Variants in GPHB5 observed in about 807,000 individuals in gnomAD.
GPHB5 encodes glycoprotein hormone subunit beta 5, also known as glycoprotein hormone beta-5.
GPHB5 carries 7 observed loss-of-function variants against 10.1 expected under a neutral mutation model. The ratio of observed to expected loss-of-function variants is 0.69; its 90% CI spans 0.39 to 1.30. The LOEUF is 1.30. GPHB5 is among the 50% of genes most tolerant of loss of function. The probability of loss-of-function intolerance (pLI) is 0.01; values close to 1 mark genes in which losing one functional copy is unlikely to be tolerated. For missense variants in GPHB5, 161 were observed against 169.8 expected (o/e 0.95, Z 0.29); for synonymous variants, 68 against 70.1 (o/e 0.97, Z 0.15).
intron 2 of GPHB5, among the ~76,000 whole-genome samples, chr14:63,316,909 A>T (rs1190580220): frequency 2.0e-5 from 3 of 152,230 alleles, no homozygotes; most frequent in Non-Finnish European, 4.4e-5. Flanking sequence ...AAGAGCCCAC[A>T]GTCACTACGT....
chr14:63,318,545 A>G (rs887731159), intron 1 of GPHB5, among the ~76,000 whole-genome samples: 48 of 152,208 alleles, frequency 3.2e-4, no homozygotes, highest in African/African-American at 1.1e-3. Flanking sequence ...AAAGCATAGG[A>G]GTTATTTAAA....
Position 63,317,828 on chromosome 14 carries a change from G to A in GPHB5, c.22C>T (p.Leu8Phe). 1 of 1,614,066 alleles carries A rather than the reference G, an allele frequency of 6.2e-7. No homozygotes were observed. Among genetic ancestry groups the A allele is most frequent in the Non-Finnish European group, 8.5e-7 (1 of 1,179,902 alleles). ...AGAAGGAGGAGGGCCATGGGGCCAA[G>A]GAAGAGGAATGCCAGCTTCATGCTG... Reference protein sequence around the residue: MKLAFLFLGPMALLLLAG... With the variant: MKLAFLFFGPMALLLLAG... The change falls in exon 2 of 3, where the codon CTT becomes TTT. Residue 8 changes from leucine (L) to phenylalanine (F), a missense_variant. Coordinates refer to ENST00000621500, the MANE Select transcript of GPHB5 (RefSeq NM_145171.4).
Position 63,317,773 on chromosome 14 carries a change from G to A in GPHB5, c.77C>T (p.Ser26Phe). The A allele has an allele frequency of 6.2e-7, 1 of 1,614,048 alleles. No homozygotes were observed. The highest frequency in any genetic ancestry group is 8.5e-7 in the Non-Finnish European group (1 of 1,179,884). Residue 26 changes from serine (S) to phenylalanine (F), a missense_variant, in exon 2 of 3, where the codon TCC becomes TTC. Coordinates refer to ENST00000621500, the MANE Select transcript of GPHB5 (RefSeq NM_145171.4). ...LAGYGCVLGASSGNLRTFVGC... is the reference protein window; with the variant it reads ...LAGYGCVLGAFSGNLRTFVGC... ...CACAAAGGTGCGCAGGTTCCCACTGGAGGCACCGAGGACACAGCCATAGCC... is the reference window on the plus strand; with the variant it reads ...CACAAAGGTGCGCAGGTTCCCACTGAAGGCACCGAGGACACAGCCATAGCC...
intron 2 of GPHB5, among the ~76,000 whole-genome samples, chr14:63,313,905 C>T (rs751112505): frequency 2.5e-4 from 38 of 152,182 alleles, no homozygotes; most frequent in Non-Finnish European, 4.4e-4. Context: ...TACCACACGA[C>T]GTAGTCTACC....
intron 2 of GPHB5, among the ~76,000 whole-genome samples, chr14:63,314,303 A>C (rs951794417): frequency 7.2e-6 from 1 of 138,196 alleles, no homozygotes; most frequent in African/African-American, 2.9e-5. Flanking sequence ...CTTCCTGAAG[A>C]CTCAAGTTTC....
chr14:63,314,390 G>A (rs1882731049), intron 2 of GPHB5, among the ~76,000 whole-genome samples: 1 of 151,514 alleles, frequency 6.6e-6, no homozygotes, highest in African/African-American at 2.4e-5. Context: ...AATGCACAAT[G>A]TCTAGAACAA....
At chr14:63,315,304 A>G (rs1342972330) in intron 2 of GPHB5, among the ~76,000 whole-genome samples, 3 of 152,156 alleles carry the variant, frequency 2.0e-5, no homozygotes, top group Non-Finnish European at 2.9e-5. Flanking sequence ...TCCTCTTACC[A>G]TTAGTACTCT....
intron 2 of GPHB5, among the ~76,000 whole-genome samples, chr14:63,314,905 C>CTTTT (rs71120257): frequency 2.7e-5 from 2 of 75,348 alleles, no homozygotes; most frequent in Non-Finnish European, 5.4e-5. Flanking sequence ...TTTCTTTTTT[C>CTTTT]TTTTTTTTTT....
In GPHB5 at chr14:63,313,024, A is replaced by C; in HGVS notation, c.297T>G (p.Cys99Trp). Residue 99 changes from cysteine (C) to tryptophan (W), a missense_variant, in exon 3 of 3, where the codon TGT becomes TGG. Cys to Trp is a radical substitution (Grantham distance 215). Transcript: ENST00000621500. ...TGTAGAAGGGGTCGACTCCCGGGGC[A>C]CAGTTGGGCAGCTTGACAGTCACCT... Reference protein sequence around the residue: ...TKQVTVKLPNCAPGVDPFYTY... With the variant: ...TKQVTVKLPNWAPGVDPFYTY... The C allele has an allele frequency of 6.3e-7, 1 of 1,598,714 alleles. No homozygotes were observed. Among genetic ancestry groups the C allele is most frequent in the Non-Finnish European group, 8.5e-7 (1 of 1,172,398 alleles).
intron 2 of GPHB5, among the ~76,000 whole-genome samples, chr14:63,313,439 C>CAATA (rs1882709108): frequency 6.6e-6 from 1 of 152,146 alleles, no homozygotes; most frequent in Non-Finnish European, 1.5e-5. Context: ...TGCAACACAG[C>CAATA]GGCCCTGAGT....
At chr14:63,313,641 C>A (rs137904236) in intron 2 of GPHB5, among the ~76,000 whole-genome samples, 4 of 152,282 alleles carry the variant, frequency 2.6e-5, no homozygotes, top group African/African-American at 4.8e-5. Context: ...AGGCTCACGG[C>A]GGTCTCCTTA....
At chr14:63,314,167 A>G (rs538383431) in intron 2 of GPHB5, among the ~76,000 whole-genome samples, 100 of 152,222 alleles carry the variant, frequency 6.6e-4, no homozygotes, top group Non-Finnish European at 1.2e-3. Flanking sequence ...TTTGATAAAC[A>G]GAACACACAG....
intron 1 of GPHB5, 83 bp from the exon 2 acceptor site, chr14:63,317,933 T>C (rs1882802382): frequency 8.0e-7 from 1 of 1,252,066 alleles, no homozygotes; most frequent in African/African-American, 1.5e-5. Context: ...TTTGTCACTA[T>C]CAAAGGGACC....
In GPHB5 at chr14:63,312,845, C is replaced by G. The variant is rs200776810; in HGVS notation, c.*83G>C. 4.6e-6 allele frequency: 6 copies of G among 1,315,708 alleles called. No homozygotes were observed. The highest frequency in any genetic ancestry group is 6.1e-6 in the Non-Finnish European group (6 of 983,122). The allele number at this position is 1,315,708 out of a possible 1,614,324, so 81.5% of individuals were successfully genotyped here. On this transcript the variant is annotated 3_prime_UTR_variant, in exon 3 of 3. Transcript: ENST00000621500. ...AGGTAACCTCCTCCATGGGTGTGGT[C>G]GAAATTAAACAGTCTTGCATCCAGG...
Position 63,317,764 on chromosome 14 carries a change from T to C in GPHB5, c.86A>G (p.Asn29Ser). 6.2e-7 allele frequency: 1 copy of C among 1,614,000 alleles called. No individual in the cohort carries two copies. Among genetic ancestry groups the C allele is most frequent in the Non-Finnish European group, 8.5e-7 (1 of 1,179,886 alleles). Residue 29 changes from asparagine to serine, a missense_variant, in exon 2 of 3, where the codon AAC (asparagine) becomes AGC (serine). Transcript: ENST00000621500. The stretch of plus-strand genomic sequence containing the variant: ...GGCACAGCCCACAAAGGTGCGCAGG[T>C]TCCCACTGGAGGCACCGAGGACACA... ...YGCVLGASSG[N>S]LRTFVGCAVR...
In GPHB5 at chr14:63,317,755, G is replaced by A; in HGVS notation, c.95C>T (p.Thr32Ile). The change falls in exon 2 of 3, where the codon ACC becomes ATC. Residue 32 changes from threonine (T) to isoleucine (I), a missense_variant. Transcript: ENST00000621500. ...VLGASSGNLR[T>I]FVGCAVREFT... ...CTCCCTCACGGCACAGCCCACAAAG[G>A]TGCGCAGGTTCCCACTGGAGGCACC... 9 of 1,614,032 alleles carry A rather than the reference G, an allele frequency of 5.6e-6. No homozygotes were observed. Among genetic ancestry groups the A allele is most frequent in the Non-Finnish European group, 7.6e-6 (9 of 1,179,892 alleles).
At chr14:63,314,334 G>C (rs189513798) in intron 2 of GPHB5, among the ~76,000 whole-genome samples, 4 of 152,114 alleles carry the variant, frequency 2.6e-5, no homozygotes, top group South Asian at 4.2e-4. Context: ...AAACAAAATA[G>C]CTACCTCCCA....
At chr14:63,317,928 C>A in intron 1 of GPHB5, 78 bp from the exon 2 acceptor site, 1 of 1,347,336 alleles carries the variant, frequency 7.4e-7, no homozygotes, top group South Asian at 1.3e-5. Context: ...ATGCATTTGT[C>A]ACTATCAAAG....
At chr14:63,316,469 A>G (rs947389173) in intron 2 of GPHB5, among the ~76,000 whole-genome samples, 1 of 152,236 alleles carries the variant, frequency 6.6e-6, no homozygotes, top group Non-Finnish European at 1.5e-5. Flanking sequence ...TGTGAAGGTT[A>G]TAAGAATGAA....
Sources: allele counts gnomAD v4.1 joint callset (sites outside exome capture counted in the v4.1 genomes callset), GRCh38; gene constraint gnomAD v4.1.1; transcripts MANE v1.5; gene names NCBI Gene and HGNC (gene_info 2026-07-23, HGNC 2026-07-21).